The following MCPH1 variants were observed in gnomAD, a reference collection of about 807,000 sequenced individuals.
MCPH1 encodes the protein microcephalin.
In MCPH1, 104 loss-of-function variants were observed where a neutral mutation model predicts 84.5. The ratio of observed to expected loss-of-function variants is 1.23; its 90% CI spans 1.05 to 1.45. The LOEUF is 1.45. MCPH1 is among the 40% of genes most tolerant of loss of function. The probability of loss-of-function intolerance (pLI) is 0.00; values close to 1 mark genes in which losing one functional copy is unlikely to be tolerated. For missense variants in MCPH1, 1,498 were observed against 1,005.7 expected, an observed-to-expected ratio of 1.49 and a Z score of -6.62; for synonymous variants, 514 against 366.8, an observed-to-expected ratio of 1.40 and a Z score of -4.58.
chr8:6,409,473 C>G (rs543519975), intron 2 of MCPH1, 103 bp downstream of exon 2: 55 of 914,382 alleles, frequency 6.0e-5, no homozygotes, highest in South Asian at 5.9e-4. Context: ...AGAATCTGGA[C>G]GAAGCAATGG....
At chr8:6,621,172 T>G in intron 12 of MCPH1, 1 of 467,928 alleles carries the variant, frequency 2.1e-6, no homozygotes, top group Non-Finnish European at 3.9e-6. Flanking sequence ...TGCTTTTCAA[T>G]ATTTTGTTTG....
At chr8:6,632,280 T>C (rs183611929) in intron 13 of MCPH1, among the ~76,000 whole-genome samples, 23 of 152,356 alleles carry the variant, frequency 1.5e-4, no homozygotes, top group Admixed American at 1.4e-3. Context: ...CTGCACAGCA[T>C]TGCGAATGTA....
intron 12 of MCPH1, among the ~76,000 whole-genome samples, chr8:6,548,755 T>G (rs1275690629): frequency 6.6e-6 from 1 of 152,192 alleles, no homozygotes; most frequent in African/African-American, 2.4e-5. Flanking sequence ...CTCTCTCTGA[T>G]GATGCTGGAA....
intron 12 of MCPH1, among the ~76,000 whole-genome samples, chr8:6,539,349 G>T: frequency 6.6e-6 from 1 of 152,082 alleles, no homozygotes; most frequent in African/African-American, 2.4e-5. Flanking sequence ...TTATAGTCTT[G>T]GCCTTTTCTT....
intron 9 of MCPH1, among the ~76,000 whole-genome samples, chr8:6,474,810 G>C (rs1055090926): frequency 3.3e-5 from 5 of 152,144 alleles, no homozygotes; most frequent in Admixed American, 2.6e-4. Flanking sequence ...ACCAGCCTTG[G>C]TGACATAGCG....
chr8:6,574,004 C>G (rs1826866092), intron 12 of MCPH1, among the ~76,000 whole-genome samples: 1 of 152,184 alleles, frequency 6.6e-6, no homozygotes, highest in Non-Finnish European at 1.5e-5. Context: ...GGTCTCAAAA[C>G]ATTCTTACAA....
chr8:6,503,509 G>A (rs963885114), intron 12 of MCPH1, among the ~76,000 whole-genome samples: 2 of 152,154 alleles, frequency 1.3e-5, no homozygotes, highest in Non-Finnish European at 2.9e-5. Flanking sequence ...GTGCTGTGTG[G>A]AGAGGCCTGA....
chr8:6,413,555 T>C (rs2120481), intron 2 of MCPH1, among the ~76,000 whole-genome samples: 147,680 of 151,850 alleles, frequency 0.97, 71,944 homozygotes, highest in East Asian at 1. Context: ...GGTCTGAGCT[T>C]CTGATGTTCT....
intron 11 of MCPH1, chr8:6,494,647 A>G (rs1056670439): frequency 6.6e-6 from 1 of 152,256 alleles, no homozygotes; most frequent in African/African-American, 2.4e-5. Flanking sequence ...GCCAGACACA[A>G]AAAGCACATG....
intron 12 of MCPH1, among the ~76,000 whole-genome samples, chr8:6,507,353 C>T (rs1020903373): frequency 2.6e-5 from 4 of 152,090 alleles, no homozygotes; most frequent in African/African-American, 9.7e-5. Context: ...GATTTATGTT[C>T]TCTAGAAATT....
At chr8:6,551,609 C>A (rs1259453443) in intron 12 of MCPH1, among the ~76,000 whole-genome samples, 2 of 152,114 alleles carry the variant, frequency 1.3e-5, no homozygotes, top group Non-Finnish European at 2.9e-5. Flanking sequence ...CTGTTAAGAA[C>A]ATGTCACTGG....
Position 6,445,406 on chromosome 8 carries a change from C to G in MCPH1, c.1684C>G (p.Gln562Glu), listed in dbSNP as rs1424669085. ...AGAAGCGGTTGGTCTGAAAAGCACA[C>G]AGAACAAAGGTACCACTTCCAAAAT... ...MKEAVGLKST[Q>E]NKGTTSKISN... is the part of the protein sequence containing the mutation. The change falls in exon 8 of 14, where the codon CAG (glutamine) becomes GAG (glutamate). Residue 562 changes from glutamine to glutamate, a missense_variant. Coordinates refer to ENST00000344683, the MANE Select transcript of MCPH1 (RefSeq NM_024596.5). 6.2e-7 allele frequency: 1 copy of G among 1,614,250 alleles called. No homozygotes were observed. Among genetic ancestry groups the G allele is most frequent in the South Asian group, 1.1e-5 (1 of 91,086 alleles).
chr8:6,604,425 A>G (rs1829598268), intron 12 of MCPH1, among the ~76,000 whole-genome samples: 1 of 152,234 alleles, frequency 6.6e-6, no homozygotes, highest in Non-Finnish European at 1.5e-5. Context: ...TTCCCTAACA[A>G]ACCTCCAAGA....
chr8:6,416,261 G>T (rs976581907), intron 3 of MCPH1, among the ~76,000 whole-genome samples: 1 of 151,892 alleles, frequency 6.6e-6, no homozygotes, highest in Non-Finnish European at 1.5e-5. Context: ...TTCATTTCTA[G>T]TCTGGCCGCA....
Position 6,465,541 on chromosome 8 carries a change from C to T in MCPH1, c.1935+10289C>T, listed in dbSNP as rs191390597. Among the ~76,000 whole-genome samples the T allele has an allele frequency of 1.1e-3, 164 of 152,312 alleles. 1 individual carries two copies. Among genetic ancestry groups the T allele is most frequent in the African/African-American group, 3.8e-3 (159 of 41,574 alleles). On this transcript the variant is annotated intron_variant, in intron 9 of 13. Transcript: ENST00000344683. The stretch of plus-strand genomic sequence containing the variant: ...GTCTTCCTGGGAGGTTTCTGGAAAG[C>T]GTTCTCTCACTTGTGATAGCCCTGG...
chr8:6,597,786 A>G (rs1488367624), intron 12 of MCPH1, among the ~76,000 whole-genome samples: 1 of 152,076 alleles, frequency 6.6e-6, no homozygotes, highest in Non-Finnish European at 1.5e-5. Flanking sequence ...TCCTTTCTGA[A>G]TATGGTCTAC....
rs1798226173 is a variant in MCPH1 at position 6,646,593 on chromosome 8, A to G, written c.*3544A>G. 6.6e-6 allele frequency: 1 copy of G among 152,212 alleles called. No individual in the cohort carries two copies. Among genetic ancestry groups the G allele is most frequent in the African/African-American group, 2.4e-5 (1 of 41,458 alleles). 9.4% of individuals were successfully genotyped at this position (152,212 alleles called of 1,614,324 possible). A position where few individuals can be genotyped will look rare whatever the true frequency, so the allele number is the denominator to read the frequency against. ...TCACACCATGCACAAAAATTAGCTC[A>G]ACGTGGACTATATCAGGGTTTCTCA... On this transcript the variant is annotated 3_prime_UTR_variant, in exon 14 of 14. Coordinates refer to ENST00000344683, the MANE Select transcript of MCPH1 (RefSeq NM_024596.5).
intron 13 of MCPH1, among the ~76,000 whole-genome samples, chr8:6,631,479 A>C (rs371770282): frequency 2.1e-5 from 3 of 146,288 alleles, no homozygotes; most frequent in Non-Finnish European, 3.0e-5. Flanking sequence ...CAAAAAAAAA[A>C]CCCCAGTTTC....
chr8:6,626,791 C>T (rs374815080), intron 13 of MCPH1: 6 of 985,236 alleles, frequency 6.1e-6, no homozygotes, highest in African/African-American at 1.7e-5. Context: ...CAAGGGTCTG[C>T]GACATTTGTG....
Sources: gnomAD v4.1 joint callset for allele counts (sites outside exome capture counted in the v4.1 genomes callset) on GRCh38, gnomAD v4.1.1 for gene constraint, MANE v1.5 for transcripts, NCBI Gene and HGNC (gene_info 2026-07-23, HGNC 2026-07-21) for gene names.